Variants in THEMIS observed in about 807,000 individuals in gnomAD.
THEMIS encodes the protein protein THEMIS.
A neutral mutation model predicts 52.6 loss-of-function variants in THEMIS; 37 were observed. The ratio of observed to expected loss-of-function variants is 0.70; its 90% confidence interval spans 0.54 to 0.93. The LOEUF (loss-of-function observed/expected upper bound fraction) is 0.93. THEMIS is among the 40% of genes least tolerant of loss of function. The probability of loss-of-function intolerance (pLI) is 0.00; values close to 1 mark genes in which losing one functional copy is unlikely to be tolerated. For missense variants in THEMIS, 808 were observed against 763.1 expected, an observed-to-expected ratio of 1.06 and a Z score of -0.69; for synonymous variants, 292 against 272.7, an observed-to-expected ratio of 1.07 and a Z score of -0.70.
At chr6:127,766,738 T>C (rs1776213063) in intron 4 of THEMIS, among the ~76,000 whole-genome samples, 1 of 152,066 alleles carries the variant, frequency 6.6e-6, no homozygotes. Flanking sequence ...ATATATAAAA[T>C]AGAAAAGATA....
At chr6:127,873,793 C>T (rs563960464) in intron 1 of THEMIS, among the ~76,000 whole-genome samples, 8 of 151,904 alleles carry the variant, frequency 5.3e-5, no homozygotes, top group East Asian at 1.9e-4. Context: ...TATTACATAC[C>T]GTATTTTTAC....
chr6:127,787,655 T>C (rs269992), intron 4 of THEMIS, among the ~76,000 whole-genome samples: 71,665 of 151,910 alleles, frequency 0.47, 17,845 homozygotes, highest in Non-Finnish European at 0.53. Context: ...AATATCTTGA[T>C]AAACGATACC....
intron 1 of THEMIS, among the ~76,000 whole-genome samples, chr6:127,861,611 T>C (rs187938): frequency 0.64 from 96,768 of 151,112 alleles, 31,177 homozygotes; most frequent in East Asian, 0.83. Context: ...TGGTGAAACC[T>C]GTCTCTACTA....
chr6:127,747,447 C>G (rs1163870767), intron 4 of THEMIS, among the ~76,000 whole-genome samples: 1 of 147,898 alleles, frequency 6.8e-6, no homozygotes, highest in African/African-American at 2.5e-5. Context: ...TACAACATAT[C>G]TATAAAATTT....
At chr6:127,795,873 A>T (rs1354471860) in intron 4 of THEMIS, among the ~76,000 whole-genome samples, 1 of 152,218 alleles carries the variant, frequency 6.6e-6, no homozygotes, top group Non-Finnish European at 1.5e-5. Flanking sequence ...CTGGTTTAAG[A>T]CAATTAGGTA....
rs151249572 is a variant in THEMIS at position 127,878,905 on chromosome 6, C to A, written c.91+21937G>T. Among the ~76,000 whole-genome samples the A allele has an allele frequency of 1.6e-4, 24 of 152,246 alleles. 1 individual carries two copies. The East Asian group carries it at 4.6e-3, about 29-fold the overall frequency. On this transcript the variant is annotated intron_variant, in intron 1 of 5. Coordinates refer to ENST00000368248, the MANE Select transcript of THEMIS (RefSeq NM_001010923.3). Reference sequence around the variant, plus strand: ...AGGTCACTTGTCAGATGAATGGCATCTATCAGTAGTTAATTTCCACTGTCA... The same window carrying A: ...AGGTCACTTGTCAGATGAATGGCATATATCAGTAGTTAATTTCCACTGTCA...
intron 4 of THEMIS, among the ~76,000 whole-genome samples, chr6:127,724,820 A>C (rs1224576435): frequency 2.6e-5 from 4 of 152,084 alleles, no homozygotes; most frequent in Non-Finnish European, 1.5e-5. Flanking sequence ...AAATATTACC[A>C]AAAAAAGTTA....
Position 127,910,231 on chromosome 6 carries a change from A to G in THEMIS, c.-150+8197T>C, listed in dbSNP as rs534318653. 2.5e-4 allele frequency among the ~76,000 whole-genome samples: 38 copies of G among 152,306 alleles called. No individual in the cohort carries two copies. The South Asian group carries it at 7.5e-3, about 30-fold the overall frequency. On this transcript the variant is annotated intron_variant, in intron 1 of 6. Transcript: ENST00000368250. Reference sequence around the variant, plus strand: ...TGTTTTTTTATAAAGAATTACAGTCATAGTTCAGACTACCTTCTCAGTGTC... The same window carrying G: ...TGTTTTTTTATAAAGAATTACAGTCGTAGTTCAGACTACCTTCTCAGTGTC...
intron 1 of THEMIS, among the ~76,000 whole-genome samples, chr6:127,886,582 A>G (rs1489792758): frequency 1.3e-5 from 2 of 152,088 alleles, no homozygotes; most frequent in African/African-American, 2.4e-5. Flanking sequence ...TGACATTTGT[A>G]GGGGCTGGAG....
intron 3 of THEMIS, among the ~76,000 whole-genome samples, chr6:127,818,592 A>C (rs575135879): frequency 1.3e-5 from 2 of 152,124 alleles, no homozygotes; most frequent in East Asian, 3.9e-4. Context: ...CAAAAAAAAA[A>C]AAAAACTACA....
At chr6:127,809,539 A>C (rs1777829206) in intron 4 of THEMIS, among the ~76,000 whole-genome samples, 2 of 152,176 alleles carry the variant, frequency 1.3e-5, no homozygotes, top group Admixed American at 1.3e-4. Context: ...GTGATTTCAG[A>C]GAAAATATAA....
chr6:127,913,960 T>C (rs974564859), intron 1 of THEMIS, among the ~76,000 whole-genome samples: 1 of 152,166 alleles, frequency 6.6e-6, no homozygotes, highest in Non-Finnish European at 1.5e-5. Context: ...TTATCTGATA[T>C]GCTTGGGACA....
chr6:127,700,927 C>G, the THEMIS span, among the ~76,000 whole-genome samples: 1 of 152,066 alleles, frequency 6.6e-6, no homozygotes, highest in African/African-American at 2.4e-5. Context: ...CCGTTAGGCT[C>G]TCATCCCCAA....
At chr6:127,789,845 C>T (rs1203330341) in intron 4 of THEMIS, among the ~76,000 whole-genome samples, 3 of 152,188 alleles carry the variant, frequency 2.0e-5, no homozygotes, top group Non-Finnish European at 4.4e-5. Flanking sequence ...GCTAAAAACT[C>T]TCAGTAAACT....
At chr6:127,850,531 T>C (rs1779385255) in intron 2 of THEMIS, among the ~76,000 whole-genome samples, 1 of 151,884 alleles carries the variant, frequency 6.6e-6, no homozygotes, top group South Asian at 2.1e-4. Context: ...GTAGTATATA[T>C]ACACCATGGA....
At chr6:127,779,403 G>A (rs1776670747) in intron 4 of THEMIS, among the ~76,000 whole-genome samples, 1 of 152,024 alleles carries the variant, frequency 6.6e-6, no homozygotes, top group African/African-American at 2.4e-5. Context: ...CATACAAGTA[G>A]GTTTTTCAAG....
chr6:127,898,607 C>A (rs951245827), intron 1 of THEMIS, among the ~76,000 whole-genome samples: 16 of 151,652 alleles, frequency 1.1e-4, no homozygotes, highest in East Asian at 3.9e-4. Context: ...CACACACACA[C>A]AAAAATAGAA....
At chr6:127,780,747 G>T (rs564398042) in intron 4 of THEMIS, among the ~76,000 whole-genome samples, 4 of 152,308 alleles carry the variant, frequency 2.6e-5, no homozygotes, top group African/African-American at 9.6e-5. Context: ...GGCTTATAGG[G>T]TTTCTGCAGA....
rs867859966 is a variant in THEMIS at position 127,913,953 on chromosome 6, T to C, written c.-150+4475A>G. ...AAGTCTTATACAGGTTGAGAATTTA[T>C]CTGATATGCTTGGGACAAAAAATGA... is the stretch of plus-strand genomic sequence containing the variant. On this transcript the variant is annotated intron_variant, in intron 1 of 6. Coordinates refer to the THEMIS transcript ENST00000368250. 2.0e-4 allele frequency among the ~76,000 whole-genome samples: 31 copies of C among 152,314 alleles called. 1 individual carries two copies. The highest frequency in any genetic ancestry group is 4.1e-4 in the South Asian group (2 of 4,830).
Sources: gnomAD v4.1 joint callset for allele counts (sites outside exome capture counted in the v4.1 genomes callset) on GRCh38, gnomAD v4.1.1 for gene constraint, MANE v1.5 for transcripts, NCBI Gene and HGNC (gene_info 2026-07-23, HGNC 2026-07-21) for gene names.